ZNF383: variants seen among roughly 807,000 people sequenced by gnomAD.
ZNF383 encodes zinc finger protein 383.
In ZNF383, 32 loss-of-function variants were observed where a neutral mutation model predicts 44.2. That is an observed-to-expected ratio of 0.72 (90% CI 0.55 to 0.97). The LOEUF (loss-of-function observed/expected upper bound fraction) is 0.97. Ranked by LOEUF, ZNF383 falls within the 50% of genes least tolerant of loss-of-function variation. ZNF383 has a pLI of 0.00. For synonymous variants in ZNF383, 155 were observed against 186.2 expected (o/e 0.83, Z 1.36); for missense variants, 487 against 562.5 (o/e 0.87, Z 1.36).
At chr19:37,239,839 T>C (rs1973992462) in intron 5 of ZNF383, among the ~76,000 whole-genome samples, 1 of 152,122 alleles carries the variant, frequency 6.6e-6, no homozygotes, top group Admixed American at 6.6e-5. Context: ...TTCAAAACTT[T>C]ACTTGGGAGC....
At chr19:37,224,213 G>A (rs1046750837) in intron 1 of ZNF383, among the ~76,000 whole-genome samples, 18 of 152,052 alleles carry the variant, frequency 1.2e-4, no homozygotes, top group African/African-American at 1.9e-4. Context: ...TAAGGTGTAC[G>A]TGTTTTGCTG....
intron 2 of ZNF383, among the ~76,000 whole-genome samples, chr19:37,226,232 T>C (rs1973162830): frequency 6.6e-6 from 1 of 152,054 alleles, no homozygotes; most frequent in African/African-American, 2.4e-5. Context: ...CACAGTAAAA[T>C]TGAGCAGAAG....
At chr19:37,218,915 G>A (rs139872469) in intron 1 of ZNF383, among the ~76,000 whole-genome samples, 1 of 152,212 alleles carries the variant, frequency 6.6e-6, no homozygotes, top group Non-Finnish European at 1.5e-5. Context: ...ACTTTGTGTG[G>A]CTCAGTAGTG....
chr19:37,235,310 C>T (rs937208731), intron 3 of ZNF383, among the ~76,000 whole-genome samples: 8 of 151,460 alleles, frequency 5.3e-5, no homozygotes, highest in East Asian at 1.9e-4. Flanking sequence ...ACAATCTAGA[C>T]TCTAGGGATG....
Position 37,242,682 on chromosome 19 carries a change from C to A in ZNF383, c.446C>A (p.Pro149His). The A allele has an allele frequency of 6.2e-7, 1 of 1,613,710 alleles. No homozygotes were observed. ...SQEIFTPEYM[P>H]TFIQQTFLTL... ...GAAATATTCACTCCTGAATACATGC[C>A]CACATTTATTCAACAGACATTCCTT... The change falls in exon 6 of 6, where the codon CCC becomes CAC. Residue 149 changes from proline (P) to histidine (H), a missense_variant. Pro to His is a moderately conservative substitution (Grantham distance 77). Transcript: ENST00000684119.
chr19:37,223,395 G>A (rs1289606590), intron 1 of ZNF383, among the ~76,000 whole-genome samples: 2 of 152,118 alleles, frequency 1.3e-5, no homozygotes, highest in African/African-American at 4.8e-5. Context: ...TCAATAACAA[G>A]AAGATAATTG....
chr19:37,236,372 C>CT (rs1231765769), intron 5 of ZNF383, among the ~76,000 whole-genome samples: 1 of 151,706 alleles, frequency 6.6e-6, no homozygotes, highest in Admixed American at 6.6e-5. Flanking sequence ...TGCTTGCTAG[C>CT]TTTTTTTACT....
chr19:37,221,546 C>T (rs1235253946), intron 1 of ZNF383, among the ~76,000 whole-genome samples: 1 of 152,086 alleles, frequency 6.6e-6, no homozygotes, highest in East Asian at 1.9e-4. Flanking sequence ...TGCACCACTG[C>T]CTTCCATCCT....
intron 5 of ZNF383, 45 bp downstream of exon 5, chr19:37,236,119 A>G: frequency 6.6e-7 from 1 of 1,503,866 alleles, no homozygotes; most frequent in Non-Finnish European, 9.2e-7. Context: ...GATAGGTCAG[A>G]ACTCAGCTGG....
At position 37,242,632 on chromosome 19, in the gene ZNF383, A is replaced by G; in HGVS notation, c.396A>G (p.Gly132=). 1 of 1,614,120 alleles carries G rather than the reference A, an allele frequency of 6.2e-7. No individual in the cohort carries two copies. The highest frequency in any genetic ancestry group is 8.5e-7 in the Non-Finnish European group (1 of 1,179,984). Residue 132 remains glycine, a synonymous_variant, in exon 6 of 6, where the codon GGA becomes GGG. Transcript: ENST00000684119. Reference sequence around the variant, plus strand: ...GAAGCCACCTTGCAAAACAACTGGGATATCCAAATGGGCATTTTAGTCAAG... The same window carrying G: ...GAAGCCACCTTGCAAAACAACTGGGGTATCCAAATGGGCATTTTAGTCAAG... The part of the protein sequence containing the change: ...EYRSHLAKQL[G]YPNGHFSQEI...
intron 2 of ZNF383, among the ~76,000 whole-genome samples, chr19:37,225,978 T>C (rs1973147698): frequency 6.6e-6 from 1 of 151,466 alleles, no homozygotes; most frequent in Non-Finnish European, 1.5e-5. Flanking sequence ...TTTTTTGTAT[T>C]TTAGTAGAGA....
chr19:37,236,113 G>A (rs771702025), intron 5 of ZNF383, 39 bp downstream of exon 5: 1 of 1,539,998 alleles, frequency 6.5e-7, no homozygotes, highest in Non-Finnish European at 8.9e-7. Context: ...AGTCACGATA[G>A]GTCAGAACTC....
chr19:37,222,752 C>T (rs1023471900), intron 1 of ZNF383, among the ~76,000 whole-genome samples: 4 of 152,102 alleles, frequency 2.6e-5, no homozygotes, highest in Non-Finnish European at 5.9e-5. Context: ...TTATGAAAAA[C>T]GCTGCCGGGA....
At chr19:37,231,193 T>C (rs1188525336) in intron 3 of ZNF383, among the ~76,000 whole-genome samples, 1 of 152,210 alleles carries the variant, frequency 6.6e-6, no homozygotes, top group East Asian at 1.9e-4. Context: ...GTAATATCTG[T>C]ATTGTAGAAA....
At chr19:37,234,642 G>A (rs1973686083) in intron 3 of ZNF383, among the ~76,000 whole-genome samples, 1 of 151,872 alleles carries the variant, frequency 6.6e-6, no homozygotes, top group Non-Finnish European at 1.5e-5. Flanking sequence ...AGCCCGCCTT[G>A]GCCTCCCAAA....
rs774933660 is a variant in ZNF383 at position 37,235,553 on chromosome 19, C to T, written c.14C>T (p.Ser5Leu). 6 of 1,613,944 alleles carry T rather than the reference C, an allele frequency of 3.7e-6. No individual in the cohort carries two copies. The Admixed American group carries it at 6.7e-5, about 18-fold the overall frequency. MAEGSVMFSDVSIDF... is the reference protein window; with the variant it reads MAEGLVMFSDVSIDF... The stretch of plus-strand genomic sequence containing the variant: ...TACGTATGTTTATTGTTTCAGGGAT[C>T]AGTGATGTTCAGTGATGTGTCCATA... The change falls in exon 4 of 6, where the codon TCA becomes TTA. Residue 5 changes from serine to leucine, a missense_variant. Ser to Leu is a moderately radical substitution (Grantham distance 145). Transcript: ENST00000684119.
intron 5 of ZNF383, among the ~76,000 whole-genome samples, chr19:37,236,954 AACACACAC>A (rs35036376): frequency 0.03 from 4,405 of 146,818 alleles, 224 homozygotes; most frequent in African/African-American, 0.099. Flanking sequence ...CACACATGTG[AACACACAC>A]ACACACACAC....
At chr19:37,237,452 C>A (rs189420075) in intron 5 of ZNF383, among the ~76,000 whole-genome samples, 1 of 152,120 alleles carries the variant, frequency 6.6e-6, no homozygotes, top group Non-Finnish European at 1.5e-5. Context: ...AGTAGGAGAA[C>A]CAGAAGAGTA....
At chr19:37,228,652 A>G (rs1393787725) in intron 2 of ZNF383, among the ~76,000 whole-genome samples, 1 of 151,718 alleles carries the variant, frequency 6.6e-6, no homozygotes, top group Non-Finnish European at 1.5e-5. Flanking sequence ...TCCCCTTTTC[A>G]TCTTGGGATA....
Sources: allele counts gnomAD v4.1 joint callset (sites outside exome capture counted in the v4.1 genomes callset), GRCh38; gene constraint gnomAD v4.1.1; transcripts MANE v1.5; gene names NCBI Gene and HGNC (gene_info 2026-07-23, HGNC 2026-07-21).